The following ATXN7 variants were observed in gnomAD, a reference collection of about 807,000 sequenced individuals.
ATXN7 encodes ataxin 7.
ATXN7 carries 12 observed loss-of-function variants against 70.5 expected under a neutral mutation model. That is an observed-to-expected ratio of 0.17 (90% CI 0.11 to 0.28). ATXN7 has a LOEUF of 0.28. Ranked by LOEUF, ATXN7 falls within the 10% of genes least tolerant of loss-of-function variation. The pLI, the probability that ATXN7 is intolerant of heterozygous loss-of-function variation, is 1.00. For synonymous variants in ATXN7, 498 were observed against 448.7 expected (o/e 1.11, Z -1.39); for missense variants, 1,256 against 1,131.7 (o/e 1.11, Z -1.58).
chr3:63,873,672 C>T (rs1559616391), intron 1 of ATXN7: 1 of 152,162 alleles, frequency 6.6e-6, no homozygotes, highest in Non-Finnish European at 1.5e-5. Context: ...CCTGGTTCAC[C>T]CGTCTCCTTC....
chr3:63,925,149 A>G (rs1410896073), intron 4 of ATXN7, among the ~76,000 whole-genome samples: 2 of 152,194 alleles, frequency 1.3e-5, no homozygotes, highest in Admixed American at 1.3e-4. Context: ...TAAGATGGTT[A>G]GTTCATTCTC....
Position 64,000,513 on chromosome 3 carries a change from CTT to C in ATXN7, c.*1048_*1049del, listed in dbSNP as rs751865993. The stretch of plus-strand genomic sequence containing the variant: ...CTCTCTACATTACCCTTGTTTTTCT[CTT>C]TGGATACTGTCCTGGGACTAAGTGT... On this transcript the variant is annotated 3_prime_UTR_variant, in exon 13 of 13. Transcript: ENST00000674280. The C allele has an allele frequency of 6.6e-6, 1 of 152,566 alleles. No homozygotes were observed. The highest frequency in any genetic ancestry group is 1.5e-5 in the Non-Finnish European group (1 of 68,044). The allele number at this position is 152,566 out of a possible 1,614,324, so 9.5% of individuals were successfully genotyped here.
chr3:63,890,798 T>G (rs987708057), intron 1 of ATXN7, among the ~76,000 whole-genome samples: 1 of 151,926 alleles, frequency 6.6e-6, no homozygotes, highest in African/African-American at 2.4e-5. Flanking sequence ...AAGCTCAGAG[T>G]GTGTTGGCAA....
At chr3:63,987,397 A>G (rs935565444) in intron 8 of ATXN7, among the ~76,000 whole-genome samples, 11 of 152,286 alleles carry the variant, frequency 7.2e-5, no homozygotes, top group African/African-American at 2.6e-4. Flanking sequence ...CTTAATTTCC[A>G]TAGCCAGTGT....
intron 1 of ATXN7, among the ~76,000 whole-genome samples, chr3:63,891,419 A>G (rs1183126180): frequency 6.6e-6 from 1 of 152,022 alleles, no homozygotes; most frequent in Non-Finnish European, 1.5e-5. Context: ...CCTGGGCTCA[A>G]GTGATCCTCC....
upstream of ATXN7, chr3:63,863,433 C>T: frequency 8.1e-6 from 9 of 1,110,788 alleles, no homozygotes; most frequent in Non-Finnish European, 7.7e-6. Context: ...TCCCACCCGC[C>T]CTTGCACCGC....
At chr3:63,871,647 G>A (rs1228631883) in intron 1 of ATXN7, among the ~76,000 whole-genome samples, 1 of 151,918 alleles carries the variant, frequency 6.6e-6, no homozygotes, top group Non-Finnish European at 1.5e-5. Context: ...AAAGAATGAT[G>A]CAGTCAATAT....
intron 5 of ATXN7, among the ~76,000 whole-genome samples, chr3:63,955,298 C>T (rs2075022104): frequency 6.6e-6 from 1 of 152,120 alleles, no homozygotes. Context: ...AGATGAGGGC[C>T]AAGTGCTCTG....
intron 5 of ATXN7, among the ~76,000 whole-genome samples, chr3:63,953,367 G>A (rs72883996): frequency 0.025 from 3,751 of 152,234 alleles, 154 homozygotes; most frequent in African/African-American, 0.083. Context: ...CAGAAGGCCC[G>A]TGTGGCTGAA....
At chr3:63,905,335 T>A (rs1030327472) in intron 2 of ATXN7, 2 of 152,132 alleles carry the variant, frequency 1.3e-5, no homozygotes, top group Non-Finnish European at 2.9e-5. Flanking sequence ...CTCAGCCGCC[T>A]GAGTAGCTGG....
intron 11 of ATXN7, among the ~76,000 whole-genome samples, chr3:63,995,092 G>A (rs2075733734): frequency 6.6e-6 from 1 of 152,092 alleles, no homozygotes; most frequent in African/African-American, 2.4e-5. Flanking sequence ...TGAACACTAG[G>A]ACCACAACGG....
In ATXN7 at chr3:63,995,397, T is replaced by TTCTC. The variant is rs2075740705; in HGVS notation, c.1683-107_1683-106insCTCT. 4.9e-5 allele frequency: 61 copies of TTCTC among 1,249,152 alleles called. No homozygotes were observed. The Middle Eastern group carries it at 5.9e-4, about 12-fold the overall frequency. The allele number at this position is 1,249,152 out of a possible 1,614,324, so 77.4% of individuals were successfully genotyped here. On this transcript the variant is annotated intron_variant, in intron 11 of 12. Coordinates refer to ENST00000674280, the MANE Select transcript of ATXN7 (RefSeq NM_001377405.1). ...GGCTTTGTAGTTCAGAGTGATTGCT[T>TTCTC]TGATGTGGATGGTTTCTCTTTGTCA...
Position 63,995,976 on chromosome 3 carries a change from C to T in ATXN7, c.2154C>T (p.Ser718=). 2 of 1,613,570 alleles carry T rather than the reference C, an allele frequency of 1.2e-6. No homozygotes were observed. The highest frequency in any genetic ancestry group is 1.7e-6 in the Non-Finnish European group (2 of 1,179,646). The change falls in exon 12 of 13, where the codon TCC becomes TCT. Residue 718 remains serine (S), a synonymous_variant. Coordinates refer to ENST00000674280, the MANE Select transcript of ATXN7 (RefSeq NM_001377405.1). ...GTTCCCCACTGTTGGTTCACTCTTCCTCCTCCTCTTCCTCCTCCTCCTCTT... is the reference window on the plus strand; with the variant it reads ...GTTCCCCACTGTTGGTTCACTCTTCTTCCTCCTCTTCCTCCTCCTCCTCTT... ...KNSSPLLVHS[S]SSSSSSSSSS... is the part of the protein sequence containing the mutation.
intron 1 of ATXN7, among the ~76,000 whole-genome samples, chr3:63,881,660 T>A (rs1453427749): frequency 3.3e-5 from 5 of 152,274 alleles, no homozygotes; most frequent in South Asian, 4.2e-4. Flanking sequence ...AGCTAATTTT[T>A]TGTATTTTTA....
At position 63,863,882 on chromosome 3, in the gene ATXN7, A is replaced by G. The variant is rs1702312393; in HGVS notation, c.-387A>G. On this transcript the variant is annotated 5_prime_UTR_variant, in exon 1 of 13. Coordinates refer to ENST00000674280, the MANE Select transcript of ATXN7 (RefSeq NM_001377405.1). Reference sequence around the variant, plus strand: ...TCAAACTCCCACAATGCAGCCGGGTAAACAGCCATGGAGGAGGAGGCGGCG... The same window carrying G: ...TCAAACTCCCACAATGCAGCCGGGTGAACAGCCATGGAGGAGGAGGCGGCG... 1 of 1,173,590 alleles carries G rather than the reference A, an allele frequency of 8.5e-7. No individual in the cohort carries two copies. The allele number at this position is 1,173,590 out of a possible 1,614,324, so 72.7% of individuals were successfully genotyped here.
chr3:63,912,951 T>TTCC, intron 3 of ATXN7, 28 bp downstream of exon 3: 1 of 1,368,868 alleles, frequency 7.3e-7, no homozygotes, highest in Non-Finnish European at 9.8e-7. Context: ...CCTCCCCCCT[T>TTCC]CACCCCCTCG....
chr3:63,958,197 C>A lies in ATXN7; in HGVS notation c.499+5714C>A, dbSNP rs187323803. 2.4e-4 allele frequency among the ~76,000 whole-genome samples: 37 copies of A among 152,274 alleles called. 2 individuals are homozygous for A. The East Asian group carries it at 5.6e-3, about 23-fold the overall frequency. ...ATTACAAATCCTGTAAAATTAACAGCCACACACATTGCTTGGACTTAATGT... is the reference window on the plus strand; with the variant it reads ...ATTACAAATCCTGTAAAATTAACAGACACACACATTGCTTGGACTTAATGT... On this transcript the variant is annotated intron_variant, in intron 5 of 12. Transcript: ENST00000674280.
chr3:63,879,565 C>T (rs988454301), intron 1 of ATXN7, among the ~76,000 whole-genome samples: 3 of 150,340 alleles, frequency 2.0e-5, no homozygotes, highest in Non-Finnish European at 2.9e-5. Context: ...GATCTCGGCT[C>T]ACTGCAACCT....
At chr3:63,952,316 C>T (rs12485317) in intron 4 of ATXN7, 63 bp from the exon 5 acceptor site, 165,956 of 1,294,534 alleles carry the variant, frequency 0.13, 12,155 homozygotes, top group Middle Eastern at 0.16. Context: ...AAGTAGTTTC[C>T]CAAAATGGTT....
Sources: allele counts gnomAD v4.1 joint callset (sites outside exome capture counted in the v4.1 genomes callset), GRCh38; gene constraint gnomAD v4.1.1; transcripts MANE v1.5; gene names NCBI Gene and HGNC (gene_info 2026-07-23, HGNC 2026-07-21).